The following SAMD12 variants were observed in gnomAD, a reference collection of about 807,000 sequenced individuals.
The protein encoded by SAMD12 is sterile alpha motif domain containing 12.
A neutral mutation model predicts 15.0 loss-of-function variants in SAMD12; 9 were observed. The ratio of observed to expected loss-of-function variants is 0.60; its 90% confidence interval spans 0.36 to 1.05. The LOEUF (loss-of-function observed/expected upper bound fraction) is 1.05, where lower values mean the gene tolerates loss of function less well. Among genes scored for constraint, SAMD12 ranks in the 50% least tolerant of loss-of-function variants. SAMD12 has a pLI of 0.01. For synonymous variants in SAMD12, 86 were observed against 90.1 expected, an observed-to-expected ratio of 0.96 and a Z score of 0.25; for missense variants, 230 against 234.2, an observed-to-expected ratio of 0.98 and a Z score of 0.12.
chr8:118,464,252 A>C (rs2130945673), intron 2 of SAMD12, among the ~76,000 whole-genome samples: 1 of 152,338 alleles, frequency 6.6e-6, no homozygotes. Context: ...TGCTAAACCT[A>C]AACTGGTTGT....
At chr8:118,448,049 C>T (rs1045705325) in intron 2 of SAMD12, among the ~76,000 whole-genome samples, 2 of 152,144 alleles carry the variant, frequency 1.3e-5, no homozygotes, top group African/African-American at 4.8e-5. Context: ...ATCTTTATTA[C>T]TCTTTCCTTA....
At chr8:118,388,788 GC>G (rs1272817750) in intron 3 of SAMD12, among the ~76,000 whole-genome samples, 1 of 152,170 alleles carries the variant, frequency 6.6e-6, no homozygotes. Context: ...TGCTAGACTT[GC>G]TGTTAGTGGC....
intron 2 of SAMD12, among the ~76,000 whole-genome samples, chr8:118,475,526 T>C (rs1172565369): frequency 3.3e-5 from 5 of 152,216 alleles, no homozygotes; most frequent in Admixed American, 1.3e-4. Flanking sequence ...ATTTTACAGA[T>C]GTTGACCCTG....
In SAMD12 at chr8:118,475,366, T is replaced by C. The variant is rs533464545; in HGVS notation, c.193-35405A>G. Among the ~76,000 whole-genome samples, 106 of 152,328 alleles carry C rather than the reference T, an allele frequency of 7.0e-4. 1 individual carries two copies. The highest frequency in any genetic ancestry group is 2.4e-3 in the African/African-American group (101 of 41,570). On this transcript the variant is annotated intron_variant, in intron 2 of 3. Coordinates refer to ENST00000314727, the MANE Select transcript of SAMD12 (RefSeq NM_207506.3). ...ATTCTCCATGAGTGGAAGCAGCTTGTGGCCCCTCACTAGATGCAGATGCCA... is the reference window on the plus strand; with the variant it reads ...ATTCTCCATGAGTGGAAGCAGCTTGCGGCCCCTCACTAGATGCAGATGCCA...
At chr8:118,337,032 G>A (rs1817113883) in intron 4 of SAMD12, among the ~76,000 whole-genome samples, 1 of 151,986 alleles carries the variant, frequency 6.6e-6, no homozygotes, top group Admixed American at 6.6e-5. Flanking sequence ...AAGGGGGGAG[G>A]GATAGCATTA....
At chr8:118,426,156 C>G (rs1822229540) in intron 3 of SAMD12, among the ~76,000 whole-genome samples, 1 of 152,184 alleles carries the variant, frequency 6.6e-6, no homozygotes, top group African/African-American at 2.4e-5. Context: ...TATCAATTCA[C>G]TAATTATTGA....
chr8:118,618,504 GC>G (rs1015797836), intron 1 of SAMD12, among the ~76,000 whole-genome samples: 39 of 152,160 alleles, frequency 2.6e-4, no homozygotes, highest in African/African-American at 9.2e-4. Flanking sequence ...TACTTAGGAT[GC>G]AGGTTCCAGA....
chr8:118,400,199 A>T (rs548636911), intron 3 of SAMD12: 1 of 152,346 alleles, frequency 6.6e-6, no homozygotes, highest in East Asian at 1.9e-4. Context: ...TATGCCAGGC[A>T]CTGTGATAAG....
chr8:118,292,349 G>GACACACACACACACACACAC (rs3052706), intron 4 of SAMD12, among the ~76,000 whole-genome samples: 8,646 of 137,480 alleles, frequency 0.063, 378 homozygotes, highest in Middle Eastern at 0.11. Context: ...CAAACACACA[G>GACACACACACACACACACAC]ACACACACAC....
chr8:118,340,860 C>T (rs977405140), intron 4 of SAMD12, among the ~76,000 whole-genome samples: 11 of 152,146 alleles, frequency 7.2e-5, no homozygotes, highest in African/African-American at 2.4e-4. Flanking sequence ...CTATAGGAGC[C>T]AGGATGTAAA....
chr8:118,395,902 G>A (rs1357179642), intron 3 of SAMD12, among the ~76,000 whole-genome samples: 1 of 147,500 alleles, frequency 6.8e-6, no homozygotes, highest in African/African-American at 2.5e-5. Context: ...AGCTTGCAGT[G>A]AGTAAGATCG....
At chr8:118,469,262 C>G (rs764515053) in intron 2 of SAMD12, among the ~76,000 whole-genome samples, 3 of 150,844 alleles carry the variant, frequency 2.0e-5, no homozygotes, top group Non-Finnish European at 4.4e-5. Flanking sequence ...TACCATAGCT[C>G]TATGCTGCAG....
intron 4 of SAMD12, among the ~76,000 whole-genome samples, chr8:118,364,613 A>C (rs559081121): frequency 4.2e-4 from 64 of 152,308 alleles, no homozygotes; most frequent in African/African-American, 1.4e-3. Context: ...CACAGAAGTC[A>C]ACTGCGGTGA....
At chr8:118,530,326 A>C (rs1434480603) in intron 2 of SAMD12, among the ~76,000 whole-genome samples, 1 of 152,194 alleles carries the variant, frequency 6.6e-6, no homozygotes, top group African/African-American at 2.4e-5. Context: ...TGAGGTAATC[A>C]GCATAATATC....
Position 118,271,272 on chromosome 8 carries a change from A to G in SAMD12, c.434-73540T>C, listed in dbSNP as rs377538865. ...GCAGGAGAGAGAAGTGCCGAGCAAA[A>G]GCCTCTTATAAAACCATCAGCTCTC... On this transcript the variant is annotated intron_variant, in intron 4 of 4. Coordinates refer to the SAMD12 transcript ENST00000409003. Among the ~76,000 whole-genome samples, 13 of 152,242 alleles carry G rather than the reference A, an allele frequency of 8.5e-5. No homozygotes were observed. The South Asian group carries it at 2.5e-3, about 29-fold the overall frequency.
chr8:118,619,212 TCAAGA>T lies in SAMD12; in HGVS notation c.13+2587_13+2591del, dbSNP rs367583433. ...ACTGTTCTAAAAGATTTTTTGGGCATCAAGACAAAAGACTGAAGAGAAGGGCACTT... is the reference window on the plus strand; with the variant it reads ...ACTGTTCTAAAAGATTTTTTGGGCATCAAAAGACTGAAGAGAAGGGCACTT... On this transcript the variant is annotated intron_variant, in intron 1 of 3. Coordinates refer to ENST00000314727, the MANE Select transcript of SAMD12 (RefSeq NM_207506.3). Among the ~76,000 whole-genome samples, 10 of 152,130 alleles carry T rather than the reference TCAAGA, an allele frequency of 6.6e-5. No individual in the cohort carries two copies. The East Asian group carries it at 1.7e-3, about 27-fold the overall frequency.
At chr8:118,302,078 G>GTTTTTGTTTTTTTTTTTTTTTTTTTTT (rs1815064086) in intron 4 of SAMD12, among the ~76,000 whole-genome samples, 1 of 74,692 alleles carries the variant, frequency 1.3e-5, no homozygotes, top group Admixed American at 2.1e-4. Context: ...ATCTTTGAGA[G>GTTTTTGTTTTTTTTTTTTTTTTTTTTT]TTTTTTTTTT....
chr8:118,553,383 C>T (rs1826411464), intron 2 of SAMD12, among the ~76,000 whole-genome samples: 1 of 151,904 alleles, frequency 6.6e-6, no homozygotes. Context: ...CGCCGCATAT[C>T]TACAACTATC....
chr8:118,189,040 T>C (rs1004265506), downstream of SAMD12, among the ~76,000 whole-genome samples: 1 of 152,118 alleles, frequency 6.6e-6, no homozygotes, highest in Admixed American at 6.6e-5. Flanking sequence ...TATTAGCACA[T>C]AAGACTCTCT....
Sources: gnomAD v4.1 joint callset for allele counts (sites outside exome capture counted in the v4.1 genomes callset) on GRCh38, gnomAD v4.1.1 for gene constraint, MANE v1.5 for transcripts, NCBI Gene and HGNC (gene_info 2026-07-23, HGNC 2026-07-21) for gene names.